The following KCNN3 variants were observed in gnomAD, a reference collection of about 807,000 sequenced individuals.
KCNN3 encodes potassium calcium-activated channel subfamily N member 3.
Under a neutral mutation model 62.9 loss-of-function variants are expected in KCNN3, and 16 were observed. The ratio of observed to expected loss-of-function variants is 0.25; its 90% CI spans 0.17 to 0.39. KCNN3 has a LOEUF of 0.39. Ranked by LOEUF, KCNN3 falls within the 10% of genes least tolerant of loss-of-function variation. The pLI is 1.00. For synonymous variants in KCNN3, 370 were observed against 389.2 expected (o/e 0.95, Z 0.58); for missense variants, 599 against 949.4 (o/e 0.63, Z 4.85).
chr1:154,816,806 A>G (rs1488003055), intron 2 of KCNN3, among the ~76,000 whole-genome samples: 1 of 152,180 alleles, frequency 6.6e-6, no homozygotes, highest in Non-Finnish European at 1.5e-5. Context: ...AAATCTGATC[A>G]TCTCTGTCCC....
chr1:154,836,756 C>G (rs774115722), intron 1 of KCNN3, among the ~76,000 whole-genome samples: 6 of 152,218 alleles, frequency 3.9e-5, no homozygotes, highest in Non-Finnish European at 8.8e-5. Flanking sequence ...GAAGGAAACT[C>G]GGCTGGAGCC....
chr1:154,843,858 T>A (rs1221589469), intron 1 of KCNN3, among the ~76,000 whole-genome samples: 1 of 152,218 alleles, frequency 6.6e-6, no homozygotes, highest in Non-Finnish European at 1.5e-5. Flanking sequence ...CCCAGGGGAC[T>A]TTCAGGGAAG....
At chr1:154,716,943 C>A (rs1700245814) in intron 5 of KCNN3, among the ~76,000 whole-genome samples, 1 of 152,216 alleles carries the variant, frequency 6.6e-6, no homozygotes, top group East Asian at 1.9e-4. Context: ...TGTGTCATTT[C>A]TTCAGTTTCC....
At chr1:154,821,993 G>T (rs1650917760) in intron 2 of KCNN3, 96 bp downstream of exon 2, 5 of 881,988 alleles carry the variant, frequency 5.7e-6, no homozygotes. Flanking sequence ...CCAAGTAGCT[G>T]CTAAGGGAGT....
At position 154,869,647 on chromosome 1, in the gene KCNN3, G is replaced by C. The variant is rs201079149; in HGVS notation, c.318C>G (p.Thr106=). 202 of 1,612,260 alleles carry C rather than the reference G, an allele frequency of 1.3e-4. No homozygotes were observed. Among genetic ancestry groups the C allele is most frequent in the Admixed American group, 3.4e-4 (20 of 59,546 alleles). Residue 106 remains threonine (T), a synonymous_variant, in exon 1 of 8, where the codon ACC becomes ACG. Coordinates refer to ENST00000271915, the MANE Select transcript of KCNN3 (RefSeq NM_002249.6). This position sits in a 1 kb window ranked among gnomAD's most constrained non-coding sequence, Gnocchi z 6.1. ...TGGACGAAGGGGGGGCCCTGAAAGC[G>C]GTGGGAGAGGAGTGCAGCAGGCCAG... ...VHPGLLHSSP[T]AFRAPPSSNS... is the part of the protein sequence containing the mutation.
intron 5 of KCNN3, among the ~76,000 whole-genome samples, chr1:154,719,479 A>C (rs1425402578): frequency 6.6e-6 from 1 of 152,104 alleles, no homozygotes; most frequent in Non-Finnish European, 1.5e-5. Context: ...TGTAACACAA[A>C]TCACTAGGGG....
chr1:154,855,483 ATTTC>A (rs1652484306), intron 1 of KCNN3, among the ~76,000 whole-genome samples: 2 of 152,030 alleles, frequency 1.3e-5, no homozygotes, highest in Admixed American at 6.5e-5. Flanking sequence ...ATTGTACAGT[ATTTC>A]TACTGTACCT....
At chr1:154,843,467 A>G (rs1651917888) in intron 1 of KCNN3, among the ~76,000 whole-genome samples, 1 of 152,168 alleles carries the variant, frequency 6.6e-6, no homozygotes, top group African/African-American at 2.4e-5. Context: ...TTTTTTTAAT[A>G]GAGATGGGGT....
intron 2 of KCNN3, among the ~76,000 whole-genome samples, chr1:154,791,218 G>A (rs1649499659): frequency 7.9e-6 from 1 of 126,526 alleles, no homozygotes. Context: ...GACAGAGTGA[G>A]ACTCCATCTC....
chr1:154,826,298 T>C (rs1169051598), intron 1 of KCNN3, among the ~76,000 whole-genome samples: 1 of 152,172 alleles, frequency 6.6e-6, no homozygotes, highest in Admixed American at 6.5e-5. Context: ...CCTGTTCTGC[T>C]CCAGGCCACG....
chr1:154,727,171 C>T (rs765948937), intron 4 of KCNN3, among the ~76,000 whole-genome samples: 3 of 152,166 alleles, frequency 2.0e-5, no homozygotes, highest in East Asian at 3.9e-4. Flanking sequence ...CTGTGCCCTG[C>T]GCCGCCCTGA....
intron 3 of KCNN3, among the ~76,000 whole-genome samples, chr1:154,755,604 G>GGGGAGGGA (rs1190899398): frequency 8.6e-6 from 1 of 115,860 alleles, no homozygotes. Context: ...AGGGAGGGAG[G>GGGGAGGGA]GGGAGGGAGG....
At chr1:154,714,294 TATG>T (rs1700164811) in intron 6 of KCNN3, among the ~76,000 whole-genome samples, 3 of 139,494 alleles carry the variant, frequency 2.2e-5, no homozygotes, top group African/African-American at 5.5e-5. Context: ...GTGTGGTGTG[TATG>T]GTGTGTGTGT....
At chr1:154,799,812 T>C (rs774354153) in intron 2 of KCNN3, among the ~76,000 whole-genome samples, 126 of 152,200 alleles carry the variant, frequency 8.3e-4, no homozygotes, top group Non-Finnish European at 1.5e-3. Flanking sequence ...CAGCAGAGCA[T>C]GGGACCCAGG....
intron 2 of KCNN3, among the ~76,000 whole-genome samples, chr1:154,781,019 G>A (rs1315258312): frequency 1.3e-5 from 2 of 152,148 alleles, no homozygotes; most frequent in African/African-American, 4.8e-5. Flanking sequence ...CCACTCCCTG[G>A]GCCATGTGTG....
At chr1:154,817,433 G>A (rs1218662038) in intron 2 of KCNN3, among the ~76,000 whole-genome samples, 1 of 152,246 alleles carries the variant, frequency 6.6e-6, no homozygotes, top group Non-Finnish European at 1.5e-5. Flanking sequence ...CCGAAACTGG[G>A]TTAATCGGAA....
chr1:154,859,742 T>C, intron 1 of KCNN3: 1 of 1,614,144 alleles, frequency 6.2e-7, no homozygotes, highest in Admixed American at 1.7e-5. Context: ...ACCAAACAAC[T>C]GTCCTTGCAG....
chr1:154,793,441 C>T (rs1167786100), intron 2 of KCNN3, among the ~76,000 whole-genome samples: 1 of 152,144 alleles, frequency 6.6e-6, no homozygotes, highest in Non-Finnish European at 1.5e-5. Flanking sequence ...GGGTGGCAGA[C>T]CCCAATGCAG....
chr1:154,806,436 A>C (rs980721852), intron 2 of KCNN3, among the ~76,000 whole-genome samples: 1 of 152,236 alleles, frequency 6.6e-6, no homozygotes, highest in African/African-American at 2.4e-5. Context: ...CAACATCAGC[A>C]TGTGGCCAGC....
Sources: allele counts gnomAD v4.1 joint callset (sites outside exome capture counted in the v4.1 genomes callset), GRCh38; gene constraint gnomAD v4.1.1; non-coding constraint Gnocchi (gnomAD v3.1); transcripts MANE v1.5; gene names NCBI Gene and HGNC (gene_info 2026-07-23, HGNC 2026-07-21).